The following PTPRR variants were observed in gnomAD, a reference collection of about 807,000 sequenced individuals.
PTPRR encodes the protein receptor-type tyrosine-protein phosphatase R.
A neutral mutation model predicts 77.2 loss-of-function variants in PTPRR; 38 were observed. The observed-to-expected ratio is 0.49, with a 90% confidence interval of 0.38 to 0.65. The LOEUF (loss-of-function observed/expected upper bound fraction) is 0.65. PTPRR is among the 30% of genes least tolerant of loss of function. PTPRR has a pLI of 0.00. For missense variants in PTPRR, 744 were observed against 799.2 expected, an observed-to-expected ratio of 0.93 and a Z score of 0.83; for synonymous variants, 299 against 283.1, an observed-to-expected ratio of 1.06 and a Z score of -0.57.
intron 2 of PTPRR, among the ~76,000 whole-genome samples, chr12:70,793,606 T>C (rs1430600630): frequency 6.6e-6 from 1 of 152,122 alleles, no homozygotes; most frequent in Non-Finnish European, 1.5e-5. Flanking sequence ...AAAGCATTAC[T>C]AGAAAAACAC....
intron 10 of PTPRR, chr12:70,672,781 CCTT>C (rs1277802262): frequency 6.4e-7 from 1 of 1,560,518 alleles, no homozygotes; most frequent in African/African-American, 1.4e-5. Flanking sequence ...ATTCAGGAAA[CCTT>C]CTGTCTTTCT....
At chr12:70,722,241 T>C (rs2136851213) in intron 6 of PTPRR, among the ~76,000 whole-genome samples, 1 of 152,246 alleles carries the variant, frequency 6.6e-6, no homozygotes, top group East Asian at 1.9e-4. Context: ...CAAGACATTT[T>C]AGGAACAGGA....
chr12:70,804,873 A>G (rs1233976290), intron 2 of PTPRR, among the ~76,000 whole-genome samples: 1 of 152,224 alleles, frequency 6.6e-6, no homozygotes, highest in Non-Finnish European at 1.5e-5. Context: ...TGCTACAAAA[A>G]GAAAGTTTTA....
At chr12:70,639,631 T>G in intron 13 of PTPRR, 1 of 464,412 alleles carries the variant, frequency 2.2e-6, no homozygotes, top group Non-Finnish European at 2.9e-6. Context: ...GTATGCATCT[T>G]GGACAAATTC....
At position 70,639,271 on chromosome 12, in the gene PTPRR, T is replaced by C. The variant is rs760508378; in HGVS notation, c.1887A>G (p.Gly629=). ...CATACTGCTCACTGGTTTGCACCATTCCACCTCTGCAAGGAAGAAATCATA... is the reference window on the plus strand; with the variant it reads ...CATACTGCTCACTGGTTTGCACCATCCCACCTCTGCAAGGAAGAAATCATA... ...IVCQLRMDRG[G]MVQTSEQYEF... is the part of the protein sequence containing the mutation. Residue 629 remains glycine (G), a synonymous_variant, in exon 14 of 14, where the codon GGA becomes GGG. Coordinates refer to ENST00000283228, the MANE Select transcript of PTPRR (RefSeq NM_002849.4). The C allele has an allele frequency of 2.3e-5, 37 of 1,612,804 alleles. No homozygotes were observed. In the South Asian group the frequency reaches 3.8e-4, roughly 17 times the overall value.
At chr12:70,663,437 T>C (rs1193053013) in intron 10 of PTPRR, among the ~76,000 whole-genome samples, 1 of 152,224 alleles carries the variant, frequency 6.6e-6, no homozygotes, top group Non-Finnish European at 1.5e-5. Flanking sequence ...GTACTTAGGA[T>C]AAAGCCAGGC....
chr12:70,786,418 A>T lies in PTPRR; in HGVS notation c.358-21640T>A, dbSNP rs185486344. On this transcript the variant is annotated intron_variant, in intron 2 of 13. Transcript: ENST00000283228. Reference sequence around the variant, plus strand: ...GAATATATAAATACTACTCTTTTTTAAAAAAATTAAGAAATTAAAAGTCCT... The same window carrying T: ...GAATATATAAATACTACTCTTTTTTTAAAAAATTAAGAAATTAAAAGTCCT... 8.0e-3 allele frequency among the ~76,000 whole-genome samples: 1,218 copies of T among 152,224 alleles called. 20 individuals carry two copies. The highest frequency in any genetic ancestry group is 0.028 in the African/African-American group (1,157 of 41,512).
chr12:70,712,607 A>G (rs1888866196), intron 6 of PTPRR, among the ~76,000 whole-genome samples: 1 of 151,604 alleles, frequency 6.6e-6, no homozygotes, highest in South Asian at 2.1e-4. Context: ...CAAGGAGCAG[A>G]TAGACTGGTA....
At chr12:70,723,342 T>C (rs1168541569) in intron 6 of PTPRR, among the ~76,000 whole-genome samples, 1 of 152,120 alleles carries the variant, frequency 6.6e-6, no homozygotes, top group Non-Finnish European at 1.5e-5. Flanking sequence ...TTGAGGGCTT[T>C]TTTTTTTCCC....
Position 70,639,081 on chromosome 12 carries a change from G to T in PTPRR, c.*103C>A. 1 of 952,066 alleles carries T rather than the reference G, an allele frequency of 1.1e-6. No individual in the cohort carries two copies. Among genetic ancestry groups the T allele is most frequent in the Non-Finnish European group, 1.6e-6 (1 of 617,378 alleles). The allele number at this position is 952,066 out of a possible 1,614,324, so 59.0% of individuals were successfully genotyped here. On this transcript the variant is annotated 3_prime_UTR_variant, in exon 14 of 14. Coordinates refer to ENST00000283228, the MANE Select transcript of PTPRR (RefSeq NM_002849.4). Reference sequence around the variant, plus strand: ...ATCCATGCCATACATGGGCTTCAGAGCTTCTCCTTCCTTCCATTGCAGGAA... The same window carrying T: ...ATCCATGCCATACATGGGCTTCAGATCTTCTCCTTCCTTCCATTGCAGGAA...
chr12:70,717,949 G>T (rs1056655797), intron 6 of PTPRR, among the ~76,000 whole-genome samples: 3 of 152,050 alleles, frequency 2.0e-5, no homozygotes, highest in African/African-American at 7.2e-5. Flanking sequence ...CCTGATAATT[G>T]GTCAGTAATT....
intron 2 of PTPRR, among the ~76,000 whole-genome samples, chr12:70,842,909 T>C (rs1231125177): frequency 6.6e-6 from 1 of 152,180 alleles, no homozygotes; most frequent in African/African-American, 2.4e-5. Flanking sequence ...TATAACACCA[T>C]TGTTCTCTCA....
chr12:70,663,516 T>C (rs1401505309), intron 10 of PTPRR, among the ~76,000 whole-genome samples: 3 of 142,960 alleles, frequency 2.1e-5, no homozygotes, highest in African/African-American at 4.9e-5. Context: ...GATAGGTTTT[T>C]GGCCCAAAGT....
At chr12:70,710,097 A>G (rs2136810659) in intron 6 of PTPRR, among the ~76,000 whole-genome samples, 1 of 152,280 alleles carries the variant, frequency 6.6e-6, no homozygotes, top group South Asian at 2.1e-4. Context: ...TAGCCAAGAC[A>G]ATCCTGAGCA....
intron 2 of PTPRR, among the ~76,000 whole-genome samples, chr12:70,831,253 T>A (rs1389996191): frequency 6.6e-6 from 1 of 152,196 alleles, no homozygotes; most frequent in Non-Finnish European, 1.5e-5. Context: ...ATTAATTGAG[T>A]ATTCATTTTC....
intron 2 of PTPRR, among the ~76,000 whole-genome samples, chr12:70,800,759 G>A (rs766586005): frequency 7.2e-5 from 11 of 152,074 alleles, no homozygotes; most frequent in African/African-American, 2.7e-4. Context: ...GCTGGGTGTG[G>A]TGACACGTGC....
intron 2 of PTPRR, among the ~76,000 whole-genome samples, chr12:70,853,024 C>T (rs564218249): frequency 1.3e-4 from 20 of 152,166 alleles, no homozygotes; most frequent in Non-Finnish European, 2.5e-4. Context: ...CGTTCACGGG[C>T]CAGGGGCCGC....
At chr12:70,752,459 C>T (rs1890432477) in intron 5 of PTPRR, among the ~76,000 whole-genome samples, 1 of 152,132 alleles carries the variant, frequency 6.6e-6, no homozygotes, top group African/African-American at 2.4e-5. Flanking sequence ...GGTCCTTTTG[C>T]CACAAGACCA....
At chr12:70,842,714 G>T (rs1892417097) in intron 2 of PTPRR, among the ~76,000 whole-genome samples, 1 of 152,128 alleles carries the variant, frequency 6.6e-6, no homozygotes, top group Admixed American at 6.6e-5. Flanking sequence ...AGCTTTCCAG[G>T]ATTGCTCAGT....
Sources: allele counts gnomAD v4.1 joint callset (sites outside exome capture counted in the v4.1 genomes callset), GRCh38; gene constraint gnomAD v4.1.1; transcripts MANE v1.5; gene names NCBI Gene and HGNC (gene_info 2026-07-23, HGNC 2026-07-21).